Variants in PKIB observed in about 807,000 individuals in gnomAD.
PKIB encodes the protein cAMP-dependent protein kinase inhibitor beta.
PKIB carries 2 observed loss-of-function variants against 4.5 expected under a neutral mutation model. The observed-to-expected ratio is 0.44, with a 90% CI of 0.18 to 1.39. PKIB has a LOEUF of 1.39. Ranked by LOEUF, PKIB falls within the 40% of genes most tolerant of loss-of-function variation. PKIB has a pLI of 0.27. For synonymous variants in PKIB, 38 were observed against 36.0 expected, an observed-to-expected ratio of 1.06 and a Z score of -0.20; for missense variants, 94 against 92.6, an observed-to-expected ratio of 1.02 and a Z score of -0.06.
At chr6:122,687,517 T>C (rs1208783096) in intron 3 of PKIB, among the ~76,000 whole-genome samples, 1 of 152,196 alleles carries the variant, frequency 6.6e-6, no homozygotes, top group East Asian at 1.9e-4. Flanking sequence ...ATGTCATTGA[T>C]ATTTTCATAG....
intron 2 of PKIB, among the ~76,000 whole-genome samples, chr6:122,659,999 T>C (rs989506585): frequency 6.6e-6 from 1 of 152,228 alleles, no homozygotes; most frequent in Non-Finnish European, 1.5e-5. Flanking sequence ...GATATTAAAA[T>C]ATTCTGAAAG....
chr6:122,507,061 C>G (rs1225879138), intron 2 of PKIB, among the ~76,000 whole-genome samples: 1 of 151,960 alleles, frequency 6.6e-6, no homozygotes, highest in Non-Finnish European at 1.5e-5. Flanking sequence ...GTTAATCCCT[C>G]TTTTTGGGGG....
At chr6:122,473,785 G>A (rs1053885437) in intron 1 of PKIB, among the ~76,000 whole-genome samples, 7 of 152,140 alleles carry the variant, frequency 4.6e-5, no homozygotes, top group African/African-American at 1.7e-4. Flanking sequence ...TGTAGCACAC[G>A]TATAACTTAC....
intron 2 of PKIB, among the ~76,000 whole-genome samples, chr6:122,493,780 T>A (rs1331267682): frequency 6.6e-6 from 1 of 152,144 alleles, no homozygotes; most frequent in African/African-American, 2.4e-5. Flanking sequence ...GTCTAGCTAG[T>A]CCAGTCTTTG....
chr6:122,520,665 A>ACCCC (rs10650320), intron 2 of PKIB, among the ~76,000 whole-genome samples: 140 of 107,962 alleles, frequency 1.3e-3, no homozygotes, highest in African/African-American at 2.1e-3. Context: ...TTATGTTCCC[A>ACCCC]CCCCCCCCCC....
chr6:122,699,362 G>T lies in PKIB; in HGVS notation c.-8-18425G>T, dbSNP rs183318416. 2.1e-4 allele frequency among the ~76,000 whole-genome samples: 32 copies of T among 152,016 alleles called. No homozygotes were observed. In the East Asian group the frequency reaches 2.3e-3, roughly 11 times the overall value. On this transcript the variant is annotated intron_variant, in intron 3 of 4. Coordinates refer to ENST00000368452, the MANE Select transcript of PKIB (RefSeq NM_181795.3). The stretch of plus-strand genomic sequence containing the variant: ...TAAACTGCTGACATTGGCACCAAAT[G>T]GATCATATTAGCCTAATTCATAGTA...
intron 2 of PKIB, among the ~76,000 whole-genome samples, chr6:122,671,739 G>A (rs925942330): frequency 1.3e-5 from 2 of 152,140 alleles, no homozygotes; most frequent in Admixed American, 6.6e-5. Flanking sequence ...TTTTTACAGT[G>A]TATGGCATTT....
In PKIB at chr6:122,494,785, G is replaced by T. The variant is rs542363292; in HGVS notation, c.-248+16846G>T. On this transcript the variant is annotated intron_variant, in intron 2 of 6. Transcript: ENST00000392491. ...CCAGGCAGCCTCCTACTCAGAACTG[G>T]TGTGGAGCCAGCGGAAGCCTCCTAA... 5.3e-5 allele frequency among the ~76,000 whole-genome samples: 8 copies of T among 152,296 alleles called. No homozygotes were observed. In the East Asian group the frequency reaches 1.5e-3, roughly 29 times the overall value.
At chr6:122,668,787 A>G (rs1021455614) in intron 2 of PKIB, among the ~76,000 whole-genome samples, 5 of 152,222 alleles carry the variant, frequency 3.3e-5, no homozygotes, top group Admixed American at 6.5e-5. Context: ...CTTCTTATAT[A>G]TAACAGTTGG....
At chr6:122,645,934 A>G (rs2566832) in intron 2 of PKIB, among the ~76,000 whole-genome samples, 150,189 of 152,226 alleles carry the variant, frequency 0.99, 74,113 homozygotes, top group Middle Eastern at 1. Context: ...TTACTGATGA[A>G]GAGATTAAAA....
chr6:122,563,050 A>T (rs1434123888), intron 2 of PKIB, among the ~76,000 whole-genome samples: 1 of 151,812 alleles, frequency 6.6e-6, no homozygotes, highest in East Asian at 1.9e-4. Flanking sequence ...TTTTTGTCAT[A>T]TTACCAGGGT....
chr6:122,640,092 A>G (rs1033359202), intron 2 of PKIB, among the ~76,000 whole-genome samples: 4 of 152,166 alleles, frequency 2.6e-5, no homozygotes, highest in Admixed American at 2.6e-4. Flanking sequence ...GGCTGTGGTG[A>G]GAAGAGAAAA....
chr6:122,647,294 C>T (rs1776361034), intron 2 of PKIB, among the ~76,000 whole-genome samples: 1 of 152,166 alleles, frequency 6.6e-6, no homozygotes, highest in Non-Finnish European at 1.5e-5. Context: ...CACTTAAAGT[C>T]AATTGATTGC....
intron 3 of PKIB, among the ~76,000 whole-genome samples, chr6:122,599,537 G>C (rs12201830): frequency 0.1 from 15,381 of 152,218 alleles, 973 homozygotes; most frequent in East Asian, 0.18. Flanking sequence ...AATCTTAGCA[G>C]ATTTGAGGCT....
At chr6:122,685,085 C>T (rs996899594) in intron 3 of PKIB, among the ~76,000 whole-genome samples, 2 of 152,148 alleles carry the variant, frequency 1.3e-5, no homozygotes, top group East Asian at 3.8e-4. Flanking sequence ...AAGTTAGTCA[C>T]TTGCCCCCGG....
intron 3 of PKIB, among the ~76,000 whole-genome samples, chr6:122,600,572 A>C (rs1774331522): frequency 6.6e-6 from 1 of 152,196 alleles, no homozygotes; most frequent in Non-Finnish European, 1.5e-5. Flanking sequence ...TCAAAAAGTC[A>C]TTACCTCAGA....
intron 2 of PKIB, among the ~76,000 whole-genome samples, chr6:122,669,904 C>CA (rs1562293969): frequency 2.6e-5 from 4 of 152,048 alleles, no homozygotes. Flanking sequence ...GCAGTTATTG[C>CA]AAAATCCAAA....
intron 2 of PKIB, among the ~76,000 whole-genome samples, chr6:122,656,274 A>C (rs1245815515): frequency 6.6e-6 from 1 of 152,226 alleles, no homozygotes; most frequent in African/African-American, 2.4e-5. Flanking sequence ...GTGAAAGTTC[A>C]AATCCTCTTT....
intron 3 of PKIB, among the ~76,000 whole-genome samples, chr6:122,714,018 C>A (rs1562316220): frequency 6.6e-6 from 1 of 152,116 alleles, no homozygotes; most frequent in African/African-American, 2.4e-5. Context: ...TATTCAGATA[C>A]TTTTTTTCTT....
Sources: allele counts gnomAD v4.1 joint callset (sites outside exome capture counted in the v4.1 genomes callset), GRCh38; gene constraint gnomAD v4.1.1; transcripts MANE v1.5; gene names NCBI Gene and HGNC (gene_info 2026-07-23, HGNC 2026-07-21).